Variants in NALCN observed in about 807,000 individuals in gnomAD.
The protein encoded by NALCN is sodium leak channel NALCN.
Under a neutral mutation model 225.3 loss-of-function variants are expected in NALCN, and 111 were observed. The observed-to-expected ratio is 0.49, with a 90% CI of 0.42 to 0.58. The LOEUF (loss-of-function observed/expected upper bound fraction) is 0.58. Among genes scored for constraint, NALCN ranks in the 20% least tolerant of loss-of-function variants. NALCN has a pLI of 0.00. For synonymous variants in NALCN, 764 were observed against 769.0 expected (o/e 0.99, Z 0.11); for missense variants, 1,378 against 2,202.4 (o/e 0.63, Z 7.49).
Position 101,095,497 on chromosome 13 carries a change from T to G in NALCN, c.3269+77A>C. On this transcript the variant is annotated intron_variant, in intron 28 of 43. Coordinates refer to ENST00000251127, the MANE Select transcript of NALCN (RefSeq NM_052867.4). ...TCTAGCAAAACTACTTTTAGTTACA[T>G]GCCATATGATACTTATTTAAAGCCT... 6.1e-6 allele frequency: 7 copies of G among 1,147,878 alleles called. No homozygotes were observed. The Admixed American group carries it at 1.6e-4, about 26-fold the overall frequency. The allele number at this position is 1,147,878 out of a possible 1,614,324, so 71.1% of individuals were successfully genotyped here.
chr13:101,080,792 T>G (rs1200052913), intron 34 of NALCN, among the ~76,000 whole-genome samples: 1 of 149,744 alleles, frequency 6.7e-6, no homozygotes, highest in African/African-American at 2.4e-5. Context: ...TATTAACAAT[T>G]TAATAGTTAT....
chr13:101,111,073 TA>T, intron 19 of NALCN, 51 bp downstream of exon 19: 1 of 1,563,074 alleles, frequency 6.4e-7, no homozygotes. Flanking sequence ...CCATTTCCTG[TA>T]AAACCCCCCT....
chr13:101,276,355 A>G (rs1209924627), intron 10 of NALCN, among the ~76,000 whole-genome samples: 1 of 152,222 alleles, frequency 6.6e-6, no homozygotes. Flanking sequence ...GAAATGTCCT[A>G]GACAAATTAA....
At chr13:101,335,928 A>T (rs1566589339) in intron 7 of NALCN, among the ~76,000 whole-genome samples, 1 of 152,158 alleles carries the variant, frequency 6.6e-6, no homozygotes, top group Non-Finnish European at 1.5e-5. Context: ...CTGATGAATC[A>T]ATTTTTAGCA....
At chr13:101,311,382 G>A (rs9582472) in intron 7 of NALCN, among the ~76,000 whole-genome samples, 3,914 of 149,428 alleles carry the variant, frequency 0.026, 174 homozygotes, top group African/African-American at 0.095. Flanking sequence ...CCCTGGCCAG[G>A]ACTTCCAACA....
At chr13:101,085,018 C>T (rs1408233539) in intron 30 of NALCN, among the ~76,000 whole-genome samples, 1 of 152,090 alleles carries the variant, frequency 6.6e-6, no homozygotes, top group East Asian at 1.9e-4. Flanking sequence ...GAAAATGTAT[C>T]TAATGTTGTT....
Position 101,089,883 on chromosome 13 carries a change from A to G in NALCN, c.3353T>C (p.Val1118Ala). 6.2e-7 allele frequency: 1 copy of G among 1,614,044 alleles called. No individual in the cohort carries two copies. The highest frequency in any genetic ancestry group is 8.5e-7 in the Non-Finnish European group (1 of 1,179,914). ...LFEVLSLKGW[V>A]EVRDVIIHRV... Reference sequence around the variant, plus strand: ...ATGAATAATAACATCTCTCACTTCCACCCAGCCTTTCAAGGAGAGAACTTC... The same window carrying G: ...ATGAATAATAACATCTCTCACTTCCGCCCAGCCTTTCAAGGAGAGAACTTC... Residue 1118 changes from valine to alanine, a missense_variant, in exon 29 of 44, where the codon GTG becomes GCG. Val to Ala is a moderately conservative substitution (Grantham distance 64). Around this residue, in one of 19 missense-constraint regions of NALCN, gnomAD observed 292 missense variants for 409.5 expected, o/e 0.71. Coordinates refer to ENST00000251127, the MANE Select transcript of NALCN (RefSeq NM_052867.4). This position sits in a 1 kb window ranked among gnomAD's most constrained non-coding sequence, Gnocchi z 4.7.
In NALCN at chr13:101,267,757, G is replaced by A. The variant is rs553583594; in HGVS notation, c.1135-9183C>T. On this transcript the variant is annotated intron_variant, in intron 10 of 43. Coordinates refer to ENST00000251127, the MANE Select transcript of NALCN (RefSeq NM_052867.4). ...GACCGCAGAGGCAGGGGTGAGCTCA[G>A]CTGTAGTCAGCTGAGATTGGCTCAG... is the stretch of plus-strand genomic sequence containing the variant. Among the ~76,000 whole-genome samples, 11 of 152,282 alleles carry A rather than the reference G, an allele frequency of 7.2e-5. No individual in the cohort carries two copies. In the South Asian group the frequency reaches 8.3e-4, roughly 11 times the overall value.
intron 30 of NALCN, 146 bp from the exon 31 acceptor site, chr13:101,083,950 G>C (rs2033799694): frequency 6.0e-6 from 4 of 665,046 alleles, no homozygotes; most frequent in Non-Finnish European, 9.3e-6. Flanking sequence ...GAGAAACATG[G>C]TCAGAATGCT....
At chr13:101,128,754 G>C (rs2036366321) in intron 17 of NALCN, among the ~76,000 whole-genome samples, 1 of 151,610 alleles carries the variant, frequency 6.6e-6, no homozygotes, top group African/African-American at 2.4e-5. Flanking sequence ...AAGAGATGGG[G>C]TTTCTTCATG....
intron 6 of NALCN, among the ~76,000 whole-genome samples, chr13:101,367,940 C>A (rs374181708): frequency 7.2e-5 from 11 of 152,042 alleles, no homozygotes; most frequent in Admixed American, 4.6e-4. Flanking sequence ...GCTCCTTTCA[C>A]TTTGAATGTT....
At chr13:101,115,312 A>G (rs1325034518) in intron 18 of NALCN, among the ~76,000 whole-genome samples, 1 of 152,074 alleles carries the variant, frequency 6.6e-6, no homozygotes, top group East Asian at 1.9e-4. Flanking sequence ...ATCTTTCTCT[A>G]TGTTGTATGT....
Position 101,083,094 on chromosome 13 carries a change from T to C in NALCN, c.3688A>G (p.Lys1230Glu). 6.2e-7 allele frequency: 1 copy of C among 1,614,004 alleles called. No individual in the cohort carries two copies. The highest frequency in any genetic ancestry group is 8.5e-7 in the Non-Finnish European group (1 of 1,179,932). The change falls in exon 32 of 44, where the codon AAG becomes GAG. Residue 1230 changes from lysine to glutamate, a missense_variant and splice_region_variant. Physicochemically the swap from Lys to Glu is moderately conservative, Grantham distance 56 (BLOSUM62 1). Around this residue, in one of 19 missense-constraint regions of NALCN, gnomAD observed 98 missense variants for 156.6 expected, o/e 0.63. Coordinates refer to ENST00000251127, the MANE Select transcript of NALCN (RefSeq NM_052867.4). The stretch of plus-strand genomic sequence containing the variant: ...AGTCTTAGGGTGAAACGAAGTACCT[T>C]GACAGAGAGCAACACCGACTGGGCC... ...VLAQSVLLSVKWDVEDPVTVP... is the reference protein window; with the variant it reads ...VLAQSVLLSVEWDVEDPVTVP...
At chr13:101,066,241 A>C (rs530644219) in intron 39 of NALCN, among the ~76,000 whole-genome samples, 5 of 149,820 alleles carry the variant, frequency 3.3e-5, no homozygotes, top group Non-Finnish European at 7.4e-5. Flanking sequence ...CTGGGGAATC[A>C]CTTGAACCCA....
chr13:101,096,629 T>C (rs2034519268), intron 27 of NALCN, among the ~76,000 whole-genome samples: 2 of 152,162 alleles, frequency 1.3e-5, no homozygotes, highest in African/African-American at 4.8e-5. Context: ...GAGATACAAA[T>C]GTTCTAAAAG....
chr13:101,334,037 A>T (rs556701097), intron 7 of NALCN, among the ~76,000 whole-genome samples: 1 of 152,342 alleles, frequency 6.6e-6, no homozygotes, highest in South Asian at 2.1e-4. Context: ...AAATGTGATC[A>T]GCCAGTCCTC....
intron 15 of NALCN, 49 bp downstream of exon 15, chr13:101,176,251 C>T (rs1176169238): frequency 2.2e-6 from 3 of 1,381,460 alleles, no homozygotes; most frequent in South Asian, 1.6e-5. Context: ...AAATGGTTTG[C>T]CCCTGGTTTT....
intron 18 of NALCN, among the ~76,000 whole-genome samples, chr13:101,121,504 C>A (rs1027279305): frequency 1.3e-5 from 2 of 152,134 alleles, no homozygotes; most frequent in Non-Finnish European, 2.9e-5. Flanking sequence ...GCTCAGGTCT[C>A]TTTTTCAAGC....
Position 101,383,177 on chromosome 13 carries a change from G to A in NALCN, c.292-4524C>T, listed in dbSNP as rs560991425. 7.2e-5 allele frequency among the ~76,000 whole-genome samples: 11 copies of A among 152,226 alleles called. No homozygotes were observed. In the South Asian group the frequency reaches 2.3e-3, roughly 32 times the overall value. ...CCAACCTTTCCTTCCAGAGTGATCT[G>A]ACTACAGCCTCCTCTGATCACCTTA... is the stretch of plus-strand genomic sequence containing the variant. On this transcript the variant is annotated intron_variant, in intron 3 of 43. Coordinates refer to ENST00000251127, the MANE Select transcript of NALCN (RefSeq NM_052867.4).
Sources: allele counts gnomAD v4.1 joint callset (sites outside exome capture counted in the v4.1 genomes callset), GRCh38; gene constraint gnomAD v4.1.1; regional missense constraint gnomAD v4.1.1; non-coding constraint Gnocchi (gnomAD v3.1); transcripts MANE v1.5; gene names NCBI Gene and HGNC (gene_info 2026-07-23, HGNC 2026-07-21).